DZIP3: variants seen among roughly 807,000 people sequenced by gnomAD.
DZIP3 encodes DAZ interacting zinc finger protein 3, also known as E3 ubiquitin-protein ligase DZIP3.
Under a neutral mutation model 162.0 loss-of-function variants are expected in DZIP3, and 118 were observed. The observed-to-expected ratio is 0.73, with a 90% confidence interval of 0.63 to 0.85. DZIP3 has a LOEUF of 0.85. Among genes scored for constraint, DZIP3 ranks in the 40% least tolerant of loss-of-function variants. The pLI, the probability that DZIP3 is intolerant of heterozygous loss-of-function variation, is 0.00. For synonymous variants in DZIP3, 438 were observed against 458.6 expected (o/e 0.96, Z 0.57); for missense variants, 1,331 against 1,407.0 (o/e 0.95, Z 0.86).
At chr3:108,635,742 A>AAGTG (rs1161856326) in intron 10 of DZIP3, among the ~76,000 whole-genome samples, 25 of 150,542 alleles carry the variant, frequency 1.7e-4, no homozygotes, top group African/African-American at 6.1e-4. Flanking sequence ...ACTAATATTA[A>AAGTG]AGTGGAAATA....
At chr3:108,639,504 C>T (rs1188007841) in intron 12 of DZIP3, among the ~76,000 whole-genome samples, 3 of 152,138 alleles carry the variant, frequency 2.0e-5, no homozygotes, top group African/African-American at 4.8e-5. Flanking sequence ...CAGTCAGAGA[C>T]GTTGTGGGAA....
chr3:108,672,471 T>A, intron 22 of DZIP3, 89 bp from the exon 23 acceptor site: 1 of 1,075,590 alleles, frequency 9.3e-7, no homozygotes, highest in East Asian at 2.4e-5. Context: ...TCCTACTGAT[T>A]GTATAACTTA....
intron 32 of DZIP3, chr3:108,691,421 A>AG (rs1004536594): frequency 3.9e-5 from 6 of 151,926 alleles, no homozygotes; most frequent in African/African-American, 1.4e-4. Context: ...AAAAAAAAAA[A>AG]GAAGTGGATA....
chr3:108,681,896 CAG>C (rs1944327035), intron 26 of DZIP3, among the ~76,000 whole-genome samples: 1 of 124,748 alleles, frequency 8.0e-6, no homozygotes, highest in Non-Finnish European at 1.5e-5. Flanking sequence ...CACATGGACA[CAG>C]GGAGGGGAAC....
intron 26 of DZIP3, among the ~76,000 whole-genome samples, chr3:108,682,262 C>A (rs76454024): frequency 0.21 from 31,429 of 150,692 alleles, 4,118 homozygotes; most frequent in East Asian, 0.45. Flanking sequence ...TCCAACAATC[C>A]TACTACTAGG....
In DZIP3 at chr3:108,644,818, C is replaced by A. The variant is rs759299830; in HGVS notation, c.1759+37C>A. Reference sequence around the variant, plus strand: ...TTATTTACTTCAGCCAATAAACTTCCATTGATTGAATGTCTGCTCTGTGCC... The same window carrying A: ...TTATTTACTTCAGCCAATAAACTTCAATTGATTGAATGTCTGCTCTGTGCC... On this transcript the variant is annotated intron_variant, in intron 14 of 32. Coordinates refer to ENST00000361582, the MANE Select transcript of DZIP3 (RefSeq NM_014648.4). 5.8e-6 allele frequency: 9 copies of A among 1,561,334 alleles called. No individual in the cohort carries two copies. In the South Asian group the frequency reaches 8.0e-5, roughly 14 times the overall value.
At chr3:108,610,932 T>G (rs976905821) in intron 3 of DZIP3, among the ~76,000 whole-genome samples, 1 of 152,242 alleles carries the variant, frequency 6.6e-6, no homozygotes, top group Non-Finnish European at 1.5e-5. Context: ...AGTCATATAA[T>G]GTAAAAAGCA....
chr3:108,594,977 A>ATT (rs1008537490), intron 1 of DZIP3, among the ~76,000 whole-genome samples: 9 of 152,242 alleles, frequency 5.9e-5, no homozygotes, highest in African/African-American at 1.9e-4. Context: ...TTAACCAGTC[A>ATT]GGTAAATACA....
At chr3:108,657,815 A>G (rs1277886982) in intron 19 of DZIP3, among the ~76,000 whole-genome samples, 2 of 152,186 alleles carry the variant, frequency 1.3e-5, no homozygotes, top group Admixed American at 6.5e-5. Flanking sequence ...CAAATGGAAA[A>G]CAAAAAAAGG....
In DZIP3 at chr3:108,686,555, G is replaced by A. The variant is rs1328068133; in HGVS notation, c.3120G>A (p.Arg1040=). The change falls in exon 28 of 33, where the codon AGG becomes AGA. Residue 1040 remains arginine, a synonymous_variant. Coordinates refer to ENST00000361582, the MANE Select transcript of DZIP3 (RefSeq NM_014648.4). ...SIMNWERITD[R]LKTAFPQQTR... The stretch of plus-strand genomic sequence containing the variant: ...TGAATTGGGAGAGAATTACAGACAG[G>A]CTGAAAACTGCCTTTCCACAGCAAA... 6.2e-7 allele frequency: 1 copy of A among 1,609,784 alleles called. No individual in the cohort carries two copies. Among genetic ancestry groups the A allele is most frequent in the Admixed American group, 1.7e-5 (1 of 58,816 alleles).
intron 5 of DZIP3, among the ~76,000 whole-genome samples, chr3:108,618,946 A>G (rs183621692): frequency 6.6e-6 from 1 of 150,764 alleles, no homozygotes; most frequent in Admixed American, 6.6e-5. Context: ...CTGTAATCCC[A>G]ACTACTCAGG....
chr3:108,690,316 A>C (rs1435989374), intron 31 of DZIP3, among the ~76,000 whole-genome samples: 1 of 152,180 alleles, frequency 6.6e-6, no homozygotes, highest in African/African-American at 2.4e-5. Flanking sequence ...CATAGCCGAA[A>C]ATTACTGTCA....
chr3:108,644,048 C>T, intron 13 of DZIP3, 116 bp from the exon 14 acceptor site: 1 of 1,295,768 alleles, frequency 7.7e-7, no homozygotes, highest in Non-Finnish European at 1.0e-6. Context: ...ACTGTACTAT[C>T]CTTCATTCTT....
intron 21 of DZIP3, among the ~76,000 whole-genome samples, chr3:108,667,982 G>A (rs757790207): frequency 1.2e-4 from 19 of 152,156 alleles, no homozygotes; most frequent in East Asian, 3.9e-4. Context: ...CGTTTTCTTC[G>A]TTTAATTCAT....
intron 12 of DZIP3, among the ~76,000 whole-genome samples, chr3:108,639,311 A>C (rs1336147935): frequency 6.6e-6 from 1 of 152,236 alleles, no homozygotes; most frequent in Non-Finnish European, 1.5e-5. Context: ...CAATAAATAC[A>C]AAGTAGAGAT....
intron 26 of DZIP3, among the ~76,000 whole-genome samples, chr3:108,682,526 A>G (rs116392621): frequency 0.033 from 4,950 of 150,904 alleles, 173 homozygotes; most frequent in Middle Eastern, 0.054. Context: ...CAGAAAGACA[A>G]ATACTACCTG....
intron 26 of DZIP3, among the ~76,000 whole-genome samples, chr3:108,681,479 G>T (rs1290584288): frequency 6.6e-6 from 1 of 152,168 alleles, no homozygotes. Context: ...TACACTGTTG[G>T]TGGGAGTGTA....
chr3:108,688,908 A>G lies in DZIP3; in HGVS notation c.3500A>G (p.His1167Arg). ...AATCTTTCAGTTTTGCCTTGCGCTC[A>G]CAAATTCCATGCTCAGGTAACACTT... is the stretch of plus-strand genomic sequence containing the variant. ...PENLSVLPCA[H>R]KFHAQCIRPW... The change falls in exon 31 of 33, where the codon CAC becomes CGC. Residue 1167 changes from histidine to arginine, a missense_variant. His to Arg is a conservative substitution (Grantham distance 29, BLOSUM62 0). Coordinates refer to ENST00000361582, the MANE Select transcript of DZIP3 (RefSeq NM_014648.4). 6.2e-7 allele frequency: 1 copy of G among 1,614,172 alleles called. No individual in the cohort carries two copies. The highest frequency in any genetic ancestry group is 1.1e-5 in the South Asian group (1 of 91,082).
intron 25 of DZIP3, among the ~76,000 whole-genome samples, chr3:108,677,282 A>G (rs571099770): frequency 5.3e-5 from 8 of 151,986 alleles, no homozygotes; most frequent in Admixed American, 5.2e-4. Flanking sequence ...TTTCTTATTA[A>G]CCAATAACGA....
Sources: gnomAD v4.1 joint callset for allele counts (sites outside exome capture counted in the v4.1 genomes callset) on GRCh38, gnomAD v4.1.1 for gene constraint, MANE v1.5 for transcripts, NCBI Gene and HGNC (gene_info 2026-07-23, HGNC 2026-07-21) for gene names.